MGAT1: variants seen among roughly 807,000 people sequenced by gnomAD.
MGAT1 encodes the protein alpha-1,3-mannosyl-glycoprotein 2-beta-N-acetylglucosaminyltransferase.
Under a neutral mutation model 31.7 loss-of-function variants are expected in MGAT1, and 14 were observed. That is an observed-to-expected ratio of 0.44 (90% CI 0.29 to 0.69). The LOEUF is 0.69. Among genes scored for constraint, MGAT1 ranks in the 30% least tolerant of loss-of-function variants. The pLI is 0.12. For missense variants in MGAT1, 557 were observed against 626.0 expected, an observed-to-expected ratio of 0.89 and a Z score of 1.18; for synonymous variants, 338 against 276.0, an observed-to-expected ratio of 1.22 and a Z score of -2.23.
chr5:180,793,831 G>A (rs1011646492), intron 1 of MGAT1, among the ~76,000 whole-genome samples: 27 of 152,056 alleles, frequency 1.8e-4, no homozygotes, highest in Non-Finnish European at 2.9e-5. Context: ...AGAGAAATGA[G>A]AAAATATTTA....
intron 1 of MGAT1, among the ~76,000 whole-genome samples, chr5:180,798,272 A>T (rs1190820280): frequency 1.3e-5 from 2 of 152,050 alleles, no homozygotes; most frequent in Non-Finnish European, 2.9e-5. Flanking sequence ...CCACTCTACC[A>T]CACTCCCGTC....
At chr5:180,812,821 T>C (rs1215385712) in intron 1 of MGAT1, among the ~76,000 whole-genome samples, 1 of 152,180 alleles carries the variant, frequency 6.6e-6, no homozygotes, top group Non-Finnish European at 1.5e-5. Context: ...CTTTTCACCA[T>C]ATAATTGCCG....
upstream of MGAT1, among the ~76,000 whole-genome samples, chr5:180,806,702 G>C (rs1771925578): frequency 1.3e-5 from 2 of 152,166 alleles, no homozygotes; most frequent in Admixed American, 6.5e-5. Flanking sequence ...AAGAATCCCT[G>C]CTCTGTTCTC....
chr5:180,795,298 T>TATATATATACACAC (rs549042117), intron 1 of MGAT1: 6 of 149,018 alleles, frequency 4.0e-5, no homozygotes, highest in Non-Finnish European at 4.4e-5. Context: ...TATATATATA[T>TATATATATACACAC]ACACACACAC....
In MGAT1 at chr5:180,789,499, T is replaced by G. The variant is rs1360196345; in HGVS notation, c.*2135A>C. ...GGTTTCACCATGTTAGCCAGGCTGGTCTCAAACTCCTGAAGTGATCCACCC... is the reference window on the plus strand; with the variant it reads ...GGTTTCACCATGTTAGCCAGGCTGGGCTCAAACTCCTGAAGTGATCCACCC... On this transcript the variant is annotated 3_prime_UTR_variant, in exon 2 of 2. Transcript: ENST00000307826. 2 of 152,126 alleles carry G rather than the reference T, an allele frequency of 1.3e-5. No homozygotes were observed. Among genetic ancestry groups the G allele is most frequent in the Non-Finnish European group, 2.9e-5 (2 of 68,090 alleles). The allele number at this position is 152,126 out of a possible 1,614,324, so 9.4% of individuals were successfully genotyped here. A position where few individuals can be genotyped will look rare whatever the true frequency, so the allele number is the denominator to read the frequency against.
At chr5:180,808,225 T>C (rs1169717431) in intron 2 of MGAT1, among the ~76,000 whole-genome samples, 2 of 152,188 alleles carry the variant, frequency 1.3e-5, no homozygotes, top group Non-Finnish European at 2.9e-5. Context: ...CATTCCCGCC[T>C]TCTCCCCCCA....
rs567052452 is a variant in MGAT1 at position 180,793,041 on chromosome 5, G to A, written c.-70C>T. 9.5e-6 allele frequency: 15 copies of A among 1,576,946 alleles called. No homozygotes were observed. In the African/African-American group the frequency reaches 1.9e-4, roughly 20 times the overall value. Reference sequence around the variant, plus strand: ...TGCCCTGGGCTTGCCCGGCTCCCTTGCCCGCAGTCCTAGGGATGCCTCCTC... The same window carrying A: ...TGCCCTGGGCTTGCCCGGCTCCCTTACCCGCAGTCCTAGGGATGCCTCCTC... On this transcript the variant is annotated 5_prime_UTR_variant, in exon 2 of 2. Transcript: ENST00000307826.
chr5:180,799,353 C>CAT (rs1770203134), intron 1 of MGAT1, among the ~76,000 whole-genome samples: 1 of 152,160 alleles, frequency 6.6e-6, no homozygotes, highest in South Asian at 2.1e-4. Context: ...GCTGGTCCCT[C>CAT]ATCCTGGAAT....
At chr5:180,798,042 G>A (rs916804571) in intron 1 of MGAT1, among the ~76,000 whole-genome samples, 2 of 152,182 alleles carry the variant, frequency 1.3e-5, no homozygotes, top group African/African-American at 4.8e-5. Flanking sequence ...TGCTTCTCCA[G>A]GAAGCACTGC....
rs969290049 is a variant in MGAT1 at position 180,785,727 on chromosome 5, G to T, written c.*5907C>A. The T allele has an allele frequency of 2.0e-5, 3 of 152,278 alleles. No homozygotes were observed. Among genetic ancestry groups the T allele is most frequent in the African/African-American group, 7.2e-5 (3 of 41,472 alleles). 9.4% of individuals were successfully genotyped at this position (152,278 alleles called of 1,614,324 possible). ...CGGTGAAGAGTGAGGCCTGATCGCC[G>T]CTCACCTACTCCTGATCCTGAAAGG... is the stretch of plus-strand genomic sequence containing the variant. On this transcript the variant is annotated 3_prime_UTR_variant, in exon 2 of 2. Transcript: ENST00000307826.
chr5:180,806,566 T>C (rs768521915), upstream of MGAT1, among the ~76,000 whole-genome samples: 9 of 152,164 alleles, frequency 5.9e-5, no homozygotes, highest in Non-Finnish European at 1.0e-4. Context: ...AGAACCCAGA[T>C]GGCCTGGTCA....
intron 1 of MGAT1, among the ~76,000 whole-genome samples, chr5:180,811,949 A>G (rs1320415668): frequency 6.6e-6 from 1 of 151,926 alleles, no homozygotes; most frequent in African/African-American, 2.4e-5. Flanking sequence ...CTTTCCTCCC[A>G]TGTCACCTCA....
At chr5:180,808,055 T>C (rs1313315629) in intron 2 of MGAT1, among the ~76,000 whole-genome samples, 3 of 152,212 alleles carry the variant, frequency 2.0e-5, no homozygotes, top group Non-Finnish European at 4.4e-5. Flanking sequence ...ATGGCCTGTG[T>C]AGGGTTGTAC....
upstream of MGAT1, among the ~76,000 whole-genome samples, chr5:180,806,676 C>T (rs937521843): frequency 6.6e-6 from 1 of 152,212 alleles, no homozygotes; most frequent in Non-Finnish European, 1.5e-5. Context: ...TCCGTAGCTT[C>T]CCCTCAAACT....
intron 1 of MGAT1, among the ~76,000 whole-genome samples, chr5:180,799,309 G>A (rs1770190283): frequency 6.6e-6 from 1 of 152,130 alleles, no homozygotes; most frequent in Admixed American, 6.5e-5. Flanking sequence ...TCCCCAGTAA[G>A]CATATACCTG....
chr5:180,787,087 CG>C lies in MGAT1; in HGVS notation c.*4546del, dbSNP rs1767617267. The C allele has an allele frequency of 1.3e-5, 2 of 152,222 alleles. No homozygotes were observed. Among genetic ancestry groups the C allele is most frequent in the African/African-American group, 4.8e-5 (2 of 41,446 alleles). 9.4% of individuals were successfully genotyped at this position (152,222 alleles called of 1,614,324 possible). Reference sequence around the variant, plus strand: ...AGGCTTTACTCACAATGCAGCCATACGGATTAATCCCACAGCCACCACAGAA... The same window carrying C: ...AGGCTTTACTCACAATGCAGCCATACGATTAATCCCACAGCCACCACAGAA... On this transcript the variant is annotated 3_prime_UTR_variant, in exon 2 of 2. Coordinates refer to ENST00000307826, the MANE Select transcript of MGAT1 (RefSeq NM_002406.4).
chr5:180,811,920 C>A (rs970112754), intron 1 of MGAT1, among the ~76,000 whole-genome samples: 2 of 152,200 alleles, frequency 1.3e-5, no homozygotes, highest in African/African-American at 4.8e-5. Context: ...CAGGACTGAA[C>A]CCTTCAGCTC....
intron 1 of MGAT1, among the ~76,000 whole-genome samples, chr5:180,794,226 TAAAAA>T (rs397884031): frequency 3.1e-5 from 3 of 96,936 alleles, no homozygotes; most frequent in African/African-American, 1.2e-4. Flanking sequence ...AAGTAACAAT[TAAAAA>T]AAAAAAAAAA....
At position 180,791,882 on chromosome 5, in the gene MGAT1, C is replaced by T. The variant is rs371940522; in HGVS notation, c.1090G>A (p.Gly364Ser). ...TTCTCCACCTGCAGCTGGGGAGCAC[C>T]GTAGACGCGGGCGAGGAAATCTCGG... ...YDRDFLARVY[G>S]APQLQVEKVR... Residue 364 changes from glycine (G) to serine (S), a missense_variant, in exon 2 of 2, where the codon GGT becomes AGT. Around this residue, in one of 3 missense-constraint regions of MGAT1, gnomAD observed 145 missense variants for 143.2 expected, o/e 1.01. Transcript: ENST00000307826. 2.9e-5 allele frequency: 47 copies of T among 1,614,082 alleles called. No individual in the cohort carries two copies. Among genetic ancestry groups the T allele is most frequent in the East Asian group, 6.7e-5 (3 of 44,886 alleles).
Sources: allele counts gnomAD v4.1 joint callset (sites outside exome capture counted in the v4.1 genomes callset), GRCh38; gene constraint gnomAD v4.1.1; regional missense constraint gnomAD v4.1.1; transcripts MANE v1.5; gene names NCBI Gene and HGNC (gene_info 2026-07-23, HGNC 2026-07-21).